Variants in SS18L1 observed in about 807,000 individuals in gnomAD.
The protein encoded by SS18L1 is SS18L1 subunit of BAF chromatin remodeling complex.
Under a neutral mutation model 70.3 loss-of-function variants are expected in SS18L1, and 32 were observed. The ratio of observed to expected loss-of-function variants is 0.46; its 90% CI spans 0.34 to 0.61. SS18L1 has a LOEUF of 0.61. Among genes scored for constraint, SS18L1 ranks in the 20% least tolerant of loss-of-function variants. SS18L1 has a pLI of 0.01. For missense variants in SS18L1, 430 were observed against 542.1 expected (o/e 0.79, Z 2.05); for synonymous variants, 237 against 229.7 (o/e 1.03, Z -0.29).
intron 4 of SS18L1, among the ~76,000 whole-genome samples, chr20:62,162,245 TAAC>T (rs2057342677): frequency 6.6e-6 from 1 of 152,102 alleles, no homozygotes; most frequent in East Asian, 1.9e-4. Flanking sequence ...AATAACAAAA[TAAC>T]AACAAATAAA....
chr20:62,148,837 C>T (rs903769259), intron 1 of SS18L1, among the ~76,000 whole-genome samples: 2 of 152,230 alleles, frequency 1.3e-5, no homozygotes, highest in Non-Finnish European at 2.9e-5. Flanking sequence ...AGGGTGAGGA[C>T]GCATTTGGAT....
Position 62,161,314 on chromosome 20 carries a change from T to C in SS18L1, c.232-122T>C. 2.2e-6 allele frequency: 3 copies of C among 1,392,506 alleles called. No individual in the cohort carries two copies. The highest frequency in any genetic ancestry group is 3.0e-6 in the Non-Finnish European group (3 of 990,516). 86.3% of individuals were successfully genotyped at this position (1,392,506 alleles called of 1,614,324 possible). A position where few individuals can be genotyped will look rare whatever the true frequency, so the allele number is the denominator to read the frequency against. Reference sequence around the variant, plus strand: ...GACGATGGCTGCTGATTACGAACATTGACCAGGTGGCCATGATGTGTGGCG... The same window carrying C: ...GACGATGGCTGCTGATTACGAACATCGACCAGGTGGCCATGATGTGTGGCG... On this transcript the variant is annotated intron_variant, in intron 3 of 10. Transcript: ENST00000331758. The surrounding 1 kb of genome is among the most constrained non-coding windows in gnomAD (Gnocchi z 4.4).
Position 62,165,435 on chromosome 20 carries a change from C to A in SS18L1, c.837C>A (p.Tyr279Ter). 6.2e-7 allele frequency: 1 copy of A among 1,612,392 alleles called. No homozygotes were observed. The highest frequency in any genetic ancestry group is 8.5e-7 in the Non-Finnish European group (1 of 1,179,632). ...CGTTTCGCACAGGCCATGGCGATTACGCCTACCAGCAGTCATCCTACACGG... is the reference window on the plus strand; with the variant it reads ...CGTTTCGCACAGGCCATGGCGATTAAGCCTACCAGCAGTCATCCTACACGG... ...QQYYPDGHGD[Y>*]AYQQSSYTEQ... Residue 279 changes from tyrosine to a stop codon, truncating the protein, a stop_gained, in exon 8 of 11, where the codon TAC becomes TAA. Coordinates refer to ENST00000331758, the MANE Select transcript of SS18L1 (RefSeq NM_198935.3). LOFTEE classifies it high-confidence loss of function.
In SS18L1 at chr20:62,163,345, G is replaced by A; in HGVS notation, c.557-113G>A. 5.4e-6 allele frequency: 8 copies of A among 1,486,038 alleles called. No individual in the cohort carries two copies. In the South Asian group the frequency reaches 9.8e-5, roughly 18 times the overall value. 92.1% of individuals were successfully genotyped at this position (1,486,038 alleles called of 1,614,324 possible). A position where few individuals can be genotyped will look rare whatever the true frequency, so the allele number is the denominator to read the frequency against. ...TTGCGGTGGAGGACGCTGTCCTCGT[G>A]GGGAGCACAGGAAAATAACGAGGAA... On this transcript the variant is annotated intron_variant, in intron 5 of 10. Coordinates refer to ENST00000331758, the MANE Select transcript of SS18L1 (RefSeq NM_198935.3).
intron 1 of SS18L1, among the ~76,000 whole-genome samples, chr20:62,146,286 A>G (rs1385556970): frequency 6.6e-6 from 1 of 152,194 alleles, no homozygotes; most frequent in Non-Finnish European, 1.5e-5. Flanking sequence ...GTGACTGATT[A>G]TTCTTTGCTG....
At position 62,179,209 on chromosome 20, in the gene SS18L1, G is replaced by A. The variant is rs766540003; in HGVS notation, c.*1G>A. ...CCAGTATGGAAATTACCAGCAGTAA[G>A]GGACACACATTCTGGCTGGAGCCCT... On this transcript the variant is annotated 3_prime_UTR_variant, in exon 11 of 11. Transcript: ENST00000331758. 6.2e-7 allele frequency: 1 copy of A among 1,614,176 alleles called. No individual in the cohort carries two copies. The highest frequency in any genetic ancestry group is 8.5e-7 in the Non-Finnish European group (1 of 1,180,022).
At chr20:62,153,654 C>T (rs1013730246) in intron 1 of SS18L1, among the ~76,000 whole-genome samples, 1 of 152,172 alleles carries the variant, frequency 6.6e-6, no homozygotes, top group African/African-American at 2.4e-5. Flanking sequence ...TTTGTTTTCC[C>T]TGGAGTTGTT....
chr20:62,178,016 CTT>C (rs770157620), intron 10 of SS18L1, among the ~76,000 whole-genome samples: 21 of 101,328 alleles, frequency 2.1e-4, no homozygotes, highest in Middle Eastern at 7.4e-3. Flanking sequence ...TGTGCCTGGC[CTT>C]TTTTTTTTTT....
chr20:62,174,464 AAAG>A lies in SS18L1; in HGVS notation c.1037-50_1037-48del, dbSNP rs936787029. On this transcript the variant is annotated intron_variant, in intron 9 of 10. Transcript: ENST00000331758. This position sits in a 1 kb window ranked among gnomAD's most constrained non-coding sequence, Gnocchi z 4.1. ...AAAAAATTTTTAAGTTAAGAAAAAA[AAAG>A]AAAGAGGTGTCCGTTTTGGCCGGCC... is the stretch of plus-strand genomic sequence containing the variant. 50 of 1,544,258 alleles carry A rather than the reference AAAG, an allele frequency of 3.2e-5. No homozygotes were observed. Among genetic ancestry groups the A allele is most frequent in the Non-Finnish European group, 4.3e-5 (49 of 1,148,480 alleles).
rs2057683364 is a variant in SS18L1, at chr20:62,179,925, A to ATC, written c.*718_*719dup. 4.5e-6 allele frequency: 1 copy of ATC among 222,470 alleles called. No homozygotes were observed. The allele number at this position is 222,470 out of a possible 1,614,324, so 13.8% of individuals were successfully genotyped here. ...GTGACTGTATTCCAAATAAATATGA[A>ATC]TCCCTAAGGGCCGTGGACAAATTGC... On this transcript the variant is annotated 3_prime_UTR_variant, in exon 11 of 11. Transcript: ENST00000331758.
At position 62,161,765 on chromosome 20, in the gene SS18L1, G is replaced by A. The variant is rs2057334926; in HGVS notation, c.376+185G>A. Reference sequence around the variant, plus strand: ...CAGGGCCGCAGCGAGCGTGCCGTGCGGCTGGGCTGAGCCCCTGCTCCAGTT... The same window carrying A: ...CAGGGCCGCAGCGAGCGTGCCGTGCAGCTGGGCTGAGCCCCTGCTCCAGTT... On this transcript the variant is annotated intron_variant, in intron 4 of 10. Coordinates refer to ENST00000331758, the MANE Select transcript of SS18L1 (RefSeq NM_198935.3). This position sits in a 1 kb window ranked among gnomAD's most constrained non-coding sequence, Gnocchi z 4.4. Among the ~76,000 whole-genome samples the A allele has an allele frequency of 1.3e-5, 2 of 152,246 alleles. No homozygotes were observed. Among genetic ancestry groups the A allele is most frequent in the African/African-American group, 4.8e-5 (2 of 41,462 alleles).
In SS18L1 at chr20:62,158,224, G is replaced by T. The variant is rs1238182850; in HGVS notation, c.70-448G>T. 2.0e-5 allele frequency among the ~76,000 whole-genome samples: 3 copies of T among 152,124 alleles called. No homozygotes were observed. Among genetic ancestry groups the T allele is most frequent in the Admixed American group, 1.3e-4 (2 of 15,266 alleles). ...TGGAGGGTCCTTCGGGCTGGGGGCT[G>T]CTGGGGGCACGGGGCCTCTGTGTTT... is the stretch of plus-strand genomic sequence containing the variant. On this transcript the variant is annotated intron_variant, in intron 1 of 10. Transcript: ENST00000331758. This position sits in a 1 kb window ranked among gnomAD's most constrained non-coding sequence, Gnocchi z 4.5.
At chr20:62,157,030 C>G (rs2057235119) in intron 1 of SS18L1, among the ~76,000 whole-genome samples, 1 of 151,540 alleles carries the variant, frequency 6.6e-6, no homozygotes, top group Admixed American at 6.5e-5. Context: ...TCTTCTCAGT[C>G]CCCTCCCATA....
At chr20:62,173,009 G>A (rs992371642) in intron 9 of SS18L1, among the ~76,000 whole-genome samples, 1 of 152,270 alleles carries the variant, frequency 6.6e-6, no homozygotes, top group Non-Finnish European at 1.5e-5. Context: ...TGGTGCTCAG[G>A]CAGATGTGTA....
intron 8 of SS18L1, among the ~76,000 whole-genome samples, chr20:62,168,960 A>G (rs1173753863): frequency 2.6e-5 from 4 of 152,134 alleles, no homozygotes; most frequent in African/African-American, 7.2e-5. Flanking sequence ...GCAGGGCACC[A>G]GTAATAGGAG....
rs887735350 is a variant in SS18L1, at chr20:62,159,600, G to C, written c.147-277G>C. On this transcript the variant is annotated intron_variant, in intron 2 of 10. Transcript: ENST00000331758. The surrounding 1 kb of genome is among the most constrained non-coding windows in gnomAD (Gnocchi z 4.4). ...CTATCCTCTGAACAGACCAATGCCA[G>C]CTTCCGCTTAGCTGTTACCTTAGAG... 6.6e-5 allele frequency among the ~76,000 whole-genome samples: 10 copies of C among 152,262 alleles called. No individual in the cohort carries two copies. The East Asian group carries it at 7.7e-4, about 12-fold the overall frequency.
intron 3 of SS18L1, among the ~76,000 whole-genome samples, chr20:62,160,482 G>A (rs972657024): frequency 6.6e-6 from 1 of 152,088 alleles, no homozygotes; most frequent in South Asian, 2.1e-4. Context: ...GTGCACATGC[G>A]CTGCTGTGGG....
At position 62,165,477 on chromosome 20, in the gene SS18L1, G is replaced by T; in HGVS notation, c.879G>T (p.Arg293=). The change falls in exon 8 of 11, where the codon CGG becomes CGT. Residue 293 remains arginine (R), a synonymous_variant. Transcript: ENST00000331758. ...CCTACACGGAGCAGAGCTACGACCG[G>T]TCCTTCGAGGAGTCCACGCAGCACT... is the stretch of plus-strand genomic sequence containing the variant. ...QSSYTEQSYD[R]SFEESTQHYY... 2 of 1,613,152 alleles carry T rather than the reference G, an allele frequency of 1.2e-6. No homozygotes were observed. Among genetic ancestry groups the T allele is most frequent in the Non-Finnish European group, 1.7e-6 (2 of 1,179,898 alleles).
At chr20:62,177,575 G>A (rs1159145564) in intron 10 of SS18L1, among the ~76,000 whole-genome samples, 1 of 152,240 alleles carries the variant, frequency 6.6e-6, no homozygotes, top group Non-Finnish European at 1.5e-5. Flanking sequence ...ATGGAGAACA[G>A]GCATGCAGAT....
Sources: allele counts gnomAD v4.1 joint callset (sites outside exome capture counted in the v4.1 genomes callset), GRCh38; gene constraint gnomAD v4.1.1; non-coding constraint Gnocchi (gnomAD v3.1); transcripts MANE v1.5; gene names NCBI Gene and HGNC (gene_info 2026-07-23, HGNC 2026-07-21).